The following DNAH3 variants were observed in gnomAD, a reference collection of about 807,000 sequenced individuals.
DNAH3 encodes dynein axonemal heavy chain 3, also known as axonemal beta dynein heavy chain 3.
A neutral mutation model predicts 432.5 loss-of-function variants in DNAH3; 332 were observed. The ratio of observed to expected loss-of-function variants is 0.77; its 90% confidence interval spans 0.70 to 0.84. The LOEUF (loss-of-function observed/expected upper bound fraction) is 0.84, where lower values mean the gene tolerates loss of function less well. Among genes scored for constraint, DNAH3 ranks in the 40% least tolerant of loss-of-function variants. DNAH3 has a pLI of 0.00. For synonymous variants in DNAH3, 1,956 were observed against 1,900.2 expected (o/e 1.03, Z -0.76); for missense variants, 4,861 against 5,114.0 (o/e 0.95, Z 1.51).
chr16:21,022,836 C>G (rs1486759210), intron 39 of DNAH3, among the ~76,000 whole-genome samples: 1 of 151,938 alleles, frequency 6.6e-6, no homozygotes, highest in Non-Finnish European at 1.5e-5. Context: ...CCTCCGCCCC[C>G]ACTGGGTTCA....
chr16:21,018,888 C>CT (rs1343959423), intron 41 of DNAH3, among the ~76,000 whole-genome samples: 1 of 142,796 alleles, frequency 7.0e-6, no homozygotes, highest in Non-Finnish European at 1.5e-5. Flanking sequence ...GAGCAACACT[C>CT]TATCTCAAAA....
intron 55 of DNAH3, among the ~76,000 whole-genome samples, chr16:20,953,417 C>G (rs773223201): frequency 6.6e-6 from 1 of 152,112 alleles, no homozygotes; most frequent in South Asian, 2.1e-4. Context: ...CCTCGGCCTC[C>G]CAAAGTGCTG....
intron 17 of DNAH3, among the ~76,000 whole-genome samples, chr16:21,098,262 CA>C (rs2091740158): frequency 6.6e-6 from 1 of 151,380 alleles, no homozygotes; most frequent in South Asian, 2.1e-4. Flanking sequence ...GCCAACATGG[CA>C]AAACTCTCTA....
chr16:20,951,819 C>T (rs1182748269), intron 56 of DNAH3, among the ~76,000 whole-genome samples: 1 of 147,458 alleles, frequency 6.8e-6, no homozygotes, highest in East Asian at 2.0e-4. Context: ...CAGTTCACTG[C>T]AACCTCTGCC....
intron 31 of DNAH3, among the ~76,000 whole-genome samples, chr16:21,047,790 T>C (rs1407914088): frequency 6.6e-6 from 1 of 151,504 alleles, no homozygotes; most frequent in Non-Finnish European, 1.5e-5. Flanking sequence ...TTCTGTTTTT[T>C]CCCCATCTTT....
chr16:21,127,600 C>A, intron 8 of DNAH3, 87 bp downstream of exon 9: 1 of 1,512,404 alleles, frequency 6.6e-7, no homozygotes, highest in South Asian at 1.3e-5. Flanking sequence ...GTGGGACAAA[C>A]CCCAGGCTGG....
At chr16:20,972,615 G>A (rs1057072072) in intron 51 of DNAH3, among the ~76,000 whole-genome samples, 51 of 151,888 alleles carry the variant, frequency 3.4e-4, no homozygotes, top group African/African-American at 1.2e-3. Flanking sequence ...GTAATTCAGG[G>A]TATTCATTAT....
At position 20,946,235 on chromosome 16, in the gene DNAH3, G is replaced by T. The variant is rs184529109; in HGVS notation, c.11344-1572C>A. Among the ~76,000 whole-genome samples, 215 of 152,200 alleles carry T rather than the reference G, an allele frequency of 1.4e-3. 2 individuals carry two copies. The highest frequency in any genetic ancestry group is 0.011 in the Admixed American group (172 of 15,280). On this transcript the variant is annotated intron_variant, in intron 57 of 61. Transcript: ENST00000261383. ...AGGTTTCATCTGCATGATAAAACTT[G>T]GGTCTGCACAACCTCTTATCATAAC...
rs766110188 is a variant in DNAH3 at position 21,134,449 on chromosome 16, A to C, written c.892T>G (p.Tyr298Asp). 4.3e-6 allele frequency: 7 copies of C among 1,613,700 alleles called. 1 individual carries two copies. In the Admixed American group the frequency reaches 8.3e-5, roughly 19 times the overall value. ...CTCTCCATTGGGTCCATGAGGATGT[A>C]ATCAACTACAACCGGAAAGGGCGAA... Residue 298 changes from tyrosine (Y) to aspartate (D), a missense_variant, in exon 7 of 62, where the codon TAC becomes GAC. Coordinates refer to ENST00000261383, the Ensembl canonical transcript of DNAH3.
chr16:21,098,037 A>C (rs2091733543), intron 17 of DNAH3, among the ~76,000 whole-genome samples: 1 of 152,334 alleles, frequency 6.6e-6, no homozygotes, highest in African/African-American at 2.4e-5. Flanking sequence ...AGCACATAAT[A>C]AATGTTCAAT....
At position 21,104,397 on chromosome 16, in the gene DNAH3, C is replaced by A. The variant is rs746135555; in HGVS notation, c.2366+74G>T. On this transcript the variant is annotated intron_variant, in intron 16 of 61. Transcript: ENST00000261383. ...GGAGTGAGCTGGGGGATGGCTTAGA[C>A]AGAACCAGGAACCTGCAGCATGGGT... 4.4e-6 allele frequency: 6 copies of A among 1,368,284 alleles called. No homozygotes were observed. In the East Asian group the frequency reaches 1.4e-4, roughly 31 times the overall value. 84.8% of individuals were successfully genotyped at this position (1,368,284 alleles called of 1,614,324 possible).
intron 14 of DNAH3, among the ~76,000 whole-genome samples, chr16:21,110,748 TA>T (rs1309185867): frequency 2.0e-5 from 3 of 152,082 alleles, no homozygotes; most frequent in African/African-American, 7.2e-5. Flanking sequence ...CTCACACCTG[TA>T]GTCCCAACAG....
chr16:21,019,860 C>T lies in DNAH3; in HGVS notation c.5786G>A (p.Arg1929Lys), dbSNP rs760559321. 23 of 1,613,904 alleles carry T rather than the reference C, an allele frequency of 1.4e-5. No homozygotes were observed. The highest frequency in any genetic ancestry group is 1.6e-4 in the Middle Eastern group (1 of 6,082). The stretch of plus-strand genomic sequence containing the variant: ...TTCCATTTCCTCCTCTTCTACTGCC[C>T]TGATTTCATCTAAAAGTGAGAAAAG... The change falls in exon 41 of 62, where the codon AGG becomes AAG. Residue 1929 changes from arginine to lysine, a missense_variant. Coordinates refer to ENST00000261383, the Ensembl canonical transcript of DNAH3.
chr16:20,944,694 GAGGGACCCC>G, intron 57 of DNAH3, 31 bp from the exon 58 acceptor site: 1 of 1,611,800 alleles, frequency 6.2e-7, no homozygotes, highest in Non-Finnish European at 8.5e-7. Context: ...TGAAATCAAC[GAGGGACCCC>G]AGAATCCCAC....
At chr16:21,117,791 C>T (rs182226449) in intron 11 of DNAH3, among the ~76,000 whole-genome samples, 8 of 152,244 alleles carry the variant, frequency 5.3e-5, no homozygotes, top group African/African-American at 1.9e-4. Context: ...TCCCCAGGGC[C>T]TAGCAAAAGC....
chr16:20,977,095 C>G (rs1282986452), intron 50 of DNAH3, among the ~76,000 whole-genome samples: 2 of 152,180 alleles, frequency 1.3e-5, no homozygotes, highest in African/African-American at 2.4e-5. Context: ...ACCCATTAGG[C>G]CAGGCTCAGT....
exon 37 of DNAH3, chr16:21,031,141 A>G (rs1161250252): frequency 6.2e-7 from 1 of 1,614,174 alleles, no homozygotes; most frequent in Admixed American, 1.7e-5. Context: ...CAGAGAGTGA[A>G]GACGCTTGCT....
chr16:20,986,798 G>GA (rs2086221662), intron 47 of DNAH3, among the ~76,000 whole-genome samples: 1 of 152,130 alleles, frequency 6.6e-6, no homozygotes, highest in Admixed American at 6.6e-5. Flanking sequence ...TAAAACACTT[G>GA]AAATTTTTCT....
At chr16:21,073,058 C>A (rs566689369) in intron 21 of DNAH3, among the ~76,000 whole-genome samples, 2 of 152,120 alleles carry the variant, frequency 1.3e-5, no homozygotes, top group South Asian at 4.2e-4. Context: ...GGCACTTTTT[C>A]TCCTGGGCCA....
Sources: gnomAD v4.1 joint callset for allele counts (sites outside exome capture counted in the v4.1 genomes callset) on GRCh38, gnomAD v4.1.1 for gene constraint, MANE v1.5 for transcripts, NCBI Gene and HGNC (gene_info 2026-07-23, HGNC 2026-07-21) for gene names.